ATP8A1: variants seen among roughly 807,000 people sequenced by gnomAD.
The protein encoded by ATP8A1 is phospholipid-transporting ATPase IA.
ATP8A1 carries 90 observed loss-of-function variants against 177.7 expected under a neutral mutation model. The ratio of observed to expected loss-of-function variants is 0.51; its 90% CI spans 0.43 to 0.60. ATP8A1 has a LOEUF of 0.60. ATP8A1 is among the 20% of genes least tolerant of loss of function. ATP8A1 has a pLI of 0.00. For missense variants in ATP8A1, 1,072 were observed against 1,392.8 expected (o/e 0.77, Z 3.67); for synonymous variants, 493 against 485.9 (o/e 1.01, Z -0.19).
intron 20 of ATP8A1, among the ~76,000 whole-genome samples, chr4:42,535,492 T>G (rs1002554792): frequency 6.6e-6 from 1 of 151,596 alleles, no homozygotes; most frequent in Non-Finnish European, 1.5e-5. Flanking sequence ...TGAAAGGGGA[T>G]AGACAGCAGC....
intron 35 of ATP8A1, among the ~76,000 whole-genome samples, chr4:42,420,839 G>C (rs1713826661): frequency 6.8e-6 from 1 of 147,308 alleles, no homozygotes; most frequent in African/African-American, 2.5e-5. Flanking sequence ...CATGATCTCT[G>C]CTCACTGCAA....
intron 17 of ATP8A1, among the ~76,000 whole-genome samples, chr4:42,551,992 A>G (rs181317621): frequency 2.9e-3 from 442 of 152,316 alleles, no homozygotes; most frequent in Admixed American, 6.8e-3. Flanking sequence ...CTTAATACTG[A>G]TAACTGTACT....
chr4:42,577,760 G>C (rs1283475957), intron 12 of ATP8A1, among the ~76,000 whole-genome samples: 1 of 152,074 alleles, frequency 6.6e-6, no homozygotes, highest in East Asian at 1.9e-4. Flanking sequence ...AAAATAACAT[G>C]ATATAACATG....
chr4:42,555,139 A>ATCTATCTATCTATCTATCT (rs1553903246), intron 16 of ATP8A1, among the ~76,000 whole-genome samples: 1 of 59,528 alleles, frequency 1.7e-5, no homozygotes, highest in African/African-American at 7.0e-5. Context: ...CTATCTATCT[A>ATCTATCTATCTATCTATCT]ATCTATCTAT....
chr4:42,652,954 C>G (rs56084663), intron 1 of ATP8A1, among the ~76,000 whole-genome samples: 2 of 129,550 alleles, frequency 1.5e-5, no homozygotes, highest in South Asian at 2.5e-4. Flanking sequence ...TTCCCCTCAC[C>G]GTTCCTAATT....
At chr4:42,557,005 G>A (rs1730308574) in intron 15 of ATP8A1, among the ~76,000 whole-genome samples, 1 of 152,152 alleles carries the variant, frequency 6.6e-6, no homozygotes, top group Non-Finnish European at 1.5e-5. Flanking sequence ...GCAGCAGCTT[G>A]ACAGGACGGA....
At chr4:42,536,740 C>T (rs1727864127) in intron 20 of ATP8A1, among the ~76,000 whole-genome samples, 1 of 152,212 alleles carries the variant, frequency 6.6e-6, no homozygotes, top group South Asian at 2.1e-4. Context: ...AAAAGATAAT[C>T]CACCAGGATC....
intron 22 of ATP8A1, among the ~76,000 whole-genome samples, chr4:42,514,615 T>C (rs1378438025): frequency 6.6e-6 from 1 of 152,212 alleles, no homozygotes; most frequent in East Asian, 1.9e-4. Flanking sequence ...GATCTAGTGA[T>C]TATGCAACTG....
rs1432410233 is a variant in ATP8A1, at chr4:42,411,343, G to T, written c.*1573C>A. 1 of 151,772 alleles carries T rather than the reference G, an allele frequency of 6.6e-6. No individual in the cohort carries two copies. The highest frequency in any genetic ancestry group is 6.6e-5 in the Admixed American group (1 of 15,232). The allele number at this position is 151,772 out of a possible 1,614,324, so 9.4% of individuals were successfully genotyped here. A position where few individuals can be genotyped will look rare whatever the true frequency, so the allele number is the denominator to read the frequency against. ...TGTGAAAATATTAAACTCGAGAAGC[G>T]ATCTGAAAAAAAATCACCTCTTCTC... is the stretch of plus-strand genomic sequence containing the variant. On this transcript the variant is annotated 3_prime_UTR_variant, in exon 37 of 37. Transcript: ENST00000381668.
At chr4:42,446,681 G>A (rs1717294332) in intron 30 of ATP8A1, 37 bp from the exon 31 acceptor site, 3 of 1,566,138 alleles carry the variant, frequency 1.9e-6, no homozygotes, top group Admixed American at 1.7e-5. Flanking sequence ...AAAGGAAAAT[G>A]AGATTCTTTC....
intron 16 of ATP8A1, among the ~76,000 whole-genome samples, chr4:42,555,139 A>ATCTAATCTATCT (rs1553903246): frequency 2.6e-3 from 157 of 59,246 alleles, no homozygotes; most frequent in East Asian, 5.6e-3. Flanking sequence ...CTATCTATCT[A>ATCTAATCTATCT]ATCTATCTAT....
intron 9 of ATP8A1, among the ~76,000 whole-genome samples, chr4:42,584,437 T>C (rs1412196488): frequency 2.0e-5 from 3 of 152,254 alleles, no homozygotes; most frequent in East Asian, 1.9e-4. Flanking sequence ...GTCAGGCACC[T>C]GTTCTAATCA....
intron 20 of ATP8A1, among the ~76,000 whole-genome samples, chr4:42,539,922 A>G (rs1349159419): frequency 6.6e-6 from 1 of 152,166 alleles, no homozygotes; most frequent in African/African-American, 2.4e-5. Context: ...TTGAAAACAC[A>G]GGCAACAAAA....
At position 42,505,981 on chromosome 4, in the gene ATP8A1, A is replaced by G. The variant is rs143150121; in HGVS notation, c.2086+1035T>C. ...TACTACAGGCTTCCAATGCCAAACA[A>G]CTTTCCCTGTGTAAGATCTCTGTTA... On this transcript the variant is annotated intron_variant, in intron 23 of 36. Transcript: ENST00000381668. Among the ~76,000 whole-genome samples, 323 of 152,224 alleles carry G rather than the reference A, an allele frequency of 2.1e-3. 1 individual carries two copies. Among genetic ancestry groups the G allele is most frequent in the African/African-American group, 7.6e-3 (314 of 41,526 alleles).
At chr4:42,419,248 A>C (rs920477250) in intron 35 of ATP8A1, among the ~76,000 whole-genome samples, 3 of 152,136 alleles carry the variant, frequency 2.0e-5, no homozygotes, top group African/African-American at 7.2e-5. Context: ...TATTCCGTTC[A>C]TCCACTCAAC....
chr4:42,581,782 AG>A (rs1161330950), intron 9 of ATP8A1, 50 bp from the exon 10 acceptor site: 1 of 1,360,422 alleles, frequency 7.4e-7, no homozygotes, highest in Non-Finnish European at 1.0e-6. Context: ...AAAATGCTTA[AG>A]AACTCTAGTT....
At chr4:42,505,305 A>C (rs1724256557) in intron 23 of ATP8A1, among the ~76,000 whole-genome samples, 1 of 152,220 alleles carries the variant, frequency 6.6e-6, no homozygotes, top group East Asian at 1.9e-4. Flanking sequence ...TCAAGATTCT[A>C]AATGTTAAAT....
chr4:42,656,697 C>T lies in ATP8A1; in HGVS notation c.49+128G>A. ...GCGGGGGGAAGGGTCCCCTAGGGGC[C>T]GGGCGCGACAGTCGGACTGCCGCCG... On this transcript the variant is annotated intron_variant, in intron 1 of 36. Transcript: ENST00000381668. The T allele has an allele frequency of 2.6e-6, 3 of 1,152,796 alleles. No homozygotes were observed. The South Asian group carries it at 5.8e-5, about 22-fold the overall frequency. The allele number at this position is 1,152,796 out of a possible 1,614,324, so 71.4% of individuals were successfully genotyped here. A position where few individuals can be genotyped will look rare whatever the true frequency, so the allele number is the denominator to read the frequency against.
chr4:42,441,435 A>T (rs9992114), intron 33 of ATP8A1, among the ~76,000 whole-genome samples: 149,912 of 152,246 alleles, frequency 0.98, 73,837 homozygotes, highest in East Asian at 1. Flanking sequence ...AGTAGTCACT[A>T]CTTGTTGAAA....
Sources: allele counts gnomAD v4.1 joint callset (sites outside exome capture counted in the v4.1 genomes callset), GRCh38; gene constraint gnomAD v4.1.1; transcripts MANE v1.5; gene names NCBI Gene and HGNC (gene_info 2026-07-23, HGNC 2026-07-21).